Variants in ATRNL1 observed in about 807,000 individuals in gnomAD.
The protein encoded by ATRNL1 is attractin-like protein 1.
ATRNL1 carries 95 observed loss-of-function variants against 182.7 expected under a neutral mutation model. That is an observed-to-expected ratio of 0.52 (90% CI 0.44 to 0.62). The LOEUF (loss-of-function observed/expected upper bound fraction) is 0.62, where lower values mean the gene tolerates loss of function less well. ATRNL1 is among the 20% of genes least tolerant of loss of function. ATRNL1 has a pLI of 0.00. For missense variants in ATRNL1, 1,471 were observed against 1,679.5 expected, an observed-to-expected ratio of 0.88 and a Z score of 2.17; for synonymous variants, 576 against 568.3, an observed-to-expected ratio of 1.01 and a Z score of -0.19.
At chr10:115,211,017 A>C (rs10885671) in intron 8 of ATRNL1, among the ~76,000 whole-genome samples, 32,229 of 147,818 alleles carry the variant, frequency 0.22, 4,400 homozygotes, top group Non-Finnish European at 0.31. Flanking sequence ...GTTTGTATTC[A>C]TGTTTCTGCT....
At chr10:115,853,885 CA>C (rs1951113744) in intron 28 of ATRNL1, among the ~76,000 whole-genome samples, 1 of 152,008 alleles carries the variant, frequency 6.6e-6, no homozygotes, top group Non-Finnish European at 1.5e-5. Flanking sequence ...GACTCCGTGT[CA>C]AAAAATATCT....
intron 26 of ATRNL1, among the ~76,000 whole-genome samples, chr10:115,583,057 C>G (rs1279448137): frequency 2.7e-5 from 4 of 150,066 alleles, no homozygotes; most frequent in African/African-American, 7.3e-5. Context: ...GATAGTTGTA[C>G]ATATGTGGCA....
chr10:115,135,744 G>C (rs1845479753), intron 5 of ATRNL1, among the ~76,000 whole-genome samples: 1 of 152,170 alleles, frequency 6.6e-6, no homozygotes, highest in African/African-American at 2.4e-5. Flanking sequence ...TAAGCCAAAA[G>C]AACAAAGCTG....
intron 19 of ATRNL1, among the ~76,000 whole-genome samples, chr10:115,373,555 T>G (rs1857504831): frequency 6.6e-6 from 1 of 152,024 alleles, no homozygotes; most frequent in Non-Finnish European, 1.5e-5. Context: ...TGTTGAGCAT[T>G]TTTTCAATCA....
chr10:115,787,678 T>TA lies in ATRNL1; in HGVS notation c.3904-60190dup, dbSNP rs113984892. Among the ~76,000 whole-genome samples, 9 of 151,508 alleles carry TA rather than the reference T, an allele frequency of 5.9e-5. 1 individual carries two copies. Among genetic ancestry groups the TA allele is most frequent in the Non-Finnish European group, 1.2e-4 (8 of 67,788 alleles). ...TATTTCATGTGGGTTTGTTGTTGGC[T>TA]AAAAAAAAATCCTCTTCAGCACCCC... On this transcript the variant is annotated intron_variant, in intron 27 of 28. Transcript: ENST00000355044.
At chr10:115,277,941 G>T (rs1298642338) in intron 13 of ATRNL1, among the ~76,000 whole-genome samples, 10 of 152,138 alleles carry the variant, frequency 6.6e-5, no homozygotes, top group Non-Finnish European at 1.5e-4. Flanking sequence ...ATATACAGAA[G>T]AAATCTCAAT....
chr10:115,132,137 G>C (rs1267120245), intron 5 of ATRNL1, among the ~76,000 whole-genome samples: 1 of 149,100 alleles, frequency 6.7e-6, no homozygotes, highest in Non-Finnish European at 1.5e-5. Flanking sequence ...GTGTCCAAGT[G>C]TTCTCATTGT....
intron 27 of ATRNL1, among the ~76,000 whole-genome samples, chr10:115,826,761 G>A (rs564314027): frequency 6.6e-6 from 1 of 152,228 alleles, no homozygotes; most frequent in East Asian, 1.9e-4. Flanking sequence ...TTTGGAATGA[G>A]GAAGCGCAGG....
intron 28 of ATRNL1, among the ~76,000 whole-genome samples, chr10:115,853,999 C>T (rs782649543): frequency 3.3e-5 from 5 of 152,262 alleles, no homozygotes; most frequent in East Asian, 1.9e-4. Flanking sequence ...ATTCAAGAAA[C>T]GTGTAAAAGT....
chr10:115,448,554 G>A (rs1264651475), intron 21 of ATRNL1, among the ~76,000 whole-genome samples: 1 of 152,074 alleles, frequency 6.6e-6, no homozygotes, highest in East Asian at 1.9e-4. Context: ...AGGGCTAAAT[G>A]CCCACATCAA....
intron 9 of ATRNL1, among the ~76,000 whole-genome samples, chr10:115,223,795 A>G (rs1188300374): frequency 6.6e-6 from 1 of 150,772 alleles, no homozygotes; most frequent in Non-Finnish European, 1.5e-5. Flanking sequence ...TGAAATAAAA[A>G]GTAACTTTTT....
At chr10:115,217,907 A>T (rs945512416) in intron 9 of ATRNL1, among the ~76,000 whole-genome samples, 15 of 151,966 alleles carry the variant, frequency 9.9e-5, no homozygotes, top group East Asian at 5.8e-4. Context: ...TTAAGCTTAG[A>T]TCTTTTTTAG....
Position 115,291,814 on chromosome 10 carries a change from T to G in ATRNL1, c.2415+5417T>G, listed in dbSNP as rs1012865107. 2.6e-5 allele frequency among the ~76,000 whole-genome samples: 4 copies of G among 151,172 alleles called. No homozygotes were observed. In the East Asian group the frequency reaches 7.7e-4, roughly 29 times the overall value. On this transcript the variant is annotated intron_variant, in intron 15 of 28. Coordinates refer to ENST00000355044, the MANE Select transcript of ATRNL1 (RefSeq NM_207303.4). ...ATCATAGATATTGGCCTCTAGGTTTTTTTTTTTTTTTTTTTTAATGTCCTT... is the reference window on the plus strand; with the variant it reads ...ATCATAGATATTGGCCTCTAGGTTTGTTTTTTTTTTTTTTTTAATGTCCTT...
intron 28 of ATRNL1, among the ~76,000 whole-genome samples, chr10:115,915,927 C>G (rs1589689234): frequency 6.6e-6 from 1 of 152,224 alleles, no homozygotes; most frequent in African/African-American, 2.4e-5. Context: ...TCCTTTATCC[C>G]ATTAATTCAA....
rs10581276 is a variant in ATRNL1, at chr10:115,569,776, CTTTTTT to C, written c.3795+20250_3795+20255del. On this transcript the variant is annotated intron_variant, in intron 26 of 28. Coordinates refer to ENST00000355044, the MANE Select transcript of ATRNL1 (RefSeq NM_207303.4). ...TGTTTACCATTTAATTCTTTAAATA[CTTTTTT>C]TTTTTTTTTAACAATGTATTACTCT... is the stretch of plus-strand genomic sequence containing the variant. 2.0e-4 allele frequency among the ~76,000 whole-genome samples: 30 copies of C among 150,294 alleles called. No individual in the cohort carries two copies. In the Middle Eastern group the frequency reaches 0.014, roughly 69 times the overall value.
chr10:115,186,305 C>T (rs1322186865), intron 8 of ATRNL1, among the ~76,000 whole-genome samples: 1 of 151,796 alleles, frequency 6.6e-6, no homozygotes, highest in African/African-American at 2.4e-5. Context: ...TTCGGAGGTT[C>T]CTCAAAAAAA....
chr10:115,248,859 C>T (rs1220413965), intron 10 of ATRNL1, among the ~76,000 whole-genome samples: 1 of 152,138 alleles, frequency 6.6e-6, no homozygotes, highest in Admixed American at 6.6e-5. Flanking sequence ...TTTTCTATTA[C>T]AGAAGTTTTG....
chr10:115,280,871 G>A (rs1031944931), intron 13 of ATRNL1, among the ~76,000 whole-genome samples: 4 of 152,202 alleles, frequency 2.6e-5, no homozygotes, highest in Admixed American at 6.5e-5. Flanking sequence ...TATTACGGGC[G>A]TAGGCCTTCC....
At chr10:115,760,121 AT>A (rs1948699109) in intron 27 of ATRNL1, among the ~76,000 whole-genome samples, 1 of 151,602 alleles carries the variant, frequency 6.6e-6, no homozygotes, top group Non-Finnish European at 1.5e-5. Flanking sequence ...GGCTCATTAC[AT>A]ATGATTTTAA....
Sources: gnomAD v4.1 joint callset for allele counts (sites outside exome capture counted in the v4.1 genomes callset) on GRCh38, gnomAD v4.1.1 for gene constraint, MANE v1.5 for transcripts, NCBI Gene and HGNC (gene_info 2026-07-23, HGNC 2026-07-21) for gene names.